The following IGFBP7 variants were observed in gnomAD, a reference collection of about 807,000 sequenced individuals.
IGFBP7 encodes insulin like growth factor binding protein 7.
In IGFBP7, 31 loss-of-function variants were observed where a neutral mutation model predicts 29.4. The observed-to-expected ratio is 1.05, with a 90% CI of 0.79 to 1.42. IGFBP7 has a LOEUF of 1.42. Among genes scored for constraint, IGFBP7 ranks in the 40% most tolerant of loss-of-function variants. The pLI is 0.00. For missense variants in IGFBP7, 393 were observed against 395.5 expected (o/e 0.99, Z 0.05); for synonymous variants, 172 against 174.9 (o/e 0.98, Z 0.13).
intron 1 of IGFBP7, among the ~76,000 whole-genome samples, chr4:57,085,798 A>G (rs1725484246): frequency 6.6e-6 from 1 of 152,112 alleles, no homozygotes; most frequent in African/African-American, 2.4e-5. Context: ...TCAGAACTCC[A>G]TTTTGTGTTG....
At position 57,093,452 on chromosome 4, in the gene IGFBP7, A is replaced by T. The variant is rs1479460110; in HGVS notation, c.475+16425T>A. ...GAGGTAGAGGTTGCAGTGAGCGGAG[A>T]TCACACCTCTGCACTCCAGCCTGGG... On this transcript the variant is annotated intron_variant, in intron 1 of 4. Coordinates refer to ENST00000295666, the MANE Select transcript of IGFBP7 (RefSeq NM_001553.3). Among the ~76,000 whole-genome samples the T allele has an allele frequency of 1.3e-5, 2 of 151,768 alleles. 1 individual carries two copies. Among genetic ancestry groups the T allele is most frequent in the South Asian group, 4.2e-4 (2 of 4,800 alleles).
intron 1 of IGFBP7, chr4:57,109,640 C>T (rs1394770201): frequency 8.8e-6 from 5 of 571,346 alleles, no homozygotes; most frequent in Non-Finnish European, 1.2e-5. Context: ...CCCTCACTTT[C>T]TGGACGCACG....
Position 57,031,111 on chromosome 4 carries a change from A to G in IGFBP7, c.*206T>C. 2 of 728,962 alleles carry G rather than the reference A, an allele frequency of 2.7e-6. No homozygotes were observed. Among genetic ancestry groups the G allele is most frequent in the East Asian group, 2.6e-5 (1 of 38,462 alleles). The allele number at this position is 728,962 out of a possible 1,614,324, so 45.2% of individuals were successfully genotyped here. A position where few individuals can be genotyped will look rare whatever the true frequency, so the allele number is the denominator to read the frequency against. ...AAAAGTATTTTATTTGTTTAATGAT[A>G]TGCATGCTTTTCTTCTGTAAATATA... is the stretch of plus-strand genomic sequence containing the variant. On this transcript the variant is annotated 3_prime_UTR_variant, in exon 5 of 5. Transcript: ENST00000295666.
intron 2 of IGFBP7, among the ~76,000 whole-genome samples, chr4:57,037,895 T>C (rs771956257): frequency 1.3e-5 from 2 of 152,138 alleles, no homozygotes; most frequent in African/African-American, 2.4e-5. Flanking sequence ...ATCTCCAAAT[T>C]AGCAGTGAGG....
At chr4:57,088,557 G>A (rs1725554129) in intron 1 of IGFBP7, among the ~76,000 whole-genome samples, 1 of 152,098 alleles carries the variant, frequency 6.6e-6, no homozygotes, top group South Asian at 2.1e-4. Context: ...TATGACATTT[G>A]AGGGCTGTTT....
At chr4:57,096,599 T>A (rs1578650065) in intron 1 of IGFBP7, among the ~76,000 whole-genome samples, 1 of 152,146 alleles carries the variant, frequency 6.6e-6, no homozygotes, top group Non-Finnish European at 1.5e-5. Flanking sequence ...TAGAAGGTGA[T>A]AGAGTGCATA....
chr4:57,050,916 T>A (rs1161291415), intron 1 of IGFBP7, among the ~76,000 whole-genome samples: 2 of 152,122 alleles, frequency 1.3e-5, no homozygotes, highest in Non-Finnish European at 2.9e-5. Flanking sequence ...TTCTCCGAGT[T>A]ATGATAGATT....
chr4:57,064,276 C>G (rs11573076), intron 1 of IGFBP7, among the ~76,000 whole-genome samples: 4,089 of 152,300 alleles, frequency 0.027, 177 homozygotes, highest in African/African-American at 0.094. Context: ...ATCCCTTCAG[C>G]CTAGTGATCT....
intron 1 of IGFBP7, among the ~76,000 whole-genome samples, chr4:57,088,196 G>C (rs1426388370): frequency 3.9e-5 from 6 of 151,932 alleles, no homozygotes; most frequent in Non-Finnish European, 8.8e-5. Flanking sequence ...GACTGGTCTT[G>C]AACTCCTAGT....
intron 1 of IGFBP7, among the ~76,000 whole-genome samples, chr4:57,080,575 T>C (rs1282889839): frequency 6.6e-6 from 1 of 152,170 alleles, no homozygotes; most frequent in East Asian, 1.9e-4. Context: ...TCACCCAGGG[T>C]GGAGTGCAGT....
chr4:57,050,297 T>C (rs1401867275), intron 1 of IGFBP7, among the ~76,000 whole-genome samples: 4 of 149,176 alleles, frequency 2.7e-5, no homozygotes, highest in Non-Finnish European at 5.9e-5. Flanking sequence ...CAGGCAGGAG[T>C]GAAGTTGTGC....
At chr4:57,036,877 C>T (rs1438593049) in intron 2 of IGFBP7, among the ~76,000 whole-genome samples, 2 of 152,176 alleles carry the variant, frequency 1.3e-5, no homozygotes, top group East Asian at 3.8e-4. Context: ...GTGTTCTACT[C>T]TTAAATTGGA....
intron 1 of IGFBP7, among the ~76,000 whole-genome samples, chr4:57,091,981 A>C (rs1725652404): frequency 6.6e-6 from 1 of 152,244 alleles, no homozygotes; most frequent in African/African-American, 2.4e-5. Context: ...TCATGGTCTC[A>C]GTATTATGCA....
intron 1 of IGFBP7, among the ~76,000 whole-genome samples, chr4:57,085,177 G>A (rs1222012239): frequency 6.6e-6 from 1 of 151,570 alleles, no homozygotes; most frequent in Admixed American, 6.6e-5. Context: ...ATATTCTCAG[G>A]TATACTGTCT....
In IGFBP7 at chr4:57,038,671, T is replaced by A. The variant is rs11573120; in HGVS notation, c.585+2153A>T. Among the ~76,000 whole-genome samples, 21 of 152,336 alleles carry A rather than the reference T, an allele frequency of 1.4e-4. 1 individual carries two copies. In the East Asian group the frequency reaches 2.5e-3, roughly 18 times the overall value. On this transcript the variant is annotated intron_variant, in intron 2 of 4. Coordinates refer to ENST00000295666, the MANE Select transcript of IGFBP7 (RefSeq NM_001553.3). ...AAATGGATGTCTGGTTATGCCCTTTTACTTAAACTAAGTTCCTTTTTTGGT... is the reference window on the plus strand; with the variant it reads ...AAATGGATGTCTGGTTATGCCCTTTAACTTAAACTAAGTTCCTTTTTTGGT...
intron 1 of IGFBP7, among the ~76,000 whole-genome samples, chr4:57,105,354 C>T (rs1330713281): frequency 6.6e-6 from 1 of 152,190 alleles, no homozygotes; most frequent in African/African-American, 2.4e-5. Flanking sequence ...CTAGCCAATT[C>T]ATAGGTTGAT....
At chr4:57,051,352 T>G (rs1724498697) in intron 1 of IGFBP7, among the ~76,000 whole-genome samples, 1 of 152,236 alleles carries the variant, frequency 6.6e-6, no homozygotes, top group Admixed American at 6.5e-5. Context: ...TCAGGGGTAC[T>G]GGCTGAGGAC....
chr4:57,059,001 A>G (rs1247564907), intron 1 of IGFBP7, among the ~76,000 whole-genome samples: 4 of 152,196 alleles, frequency 2.6e-5, no homozygotes, highest in African/African-American at 9.7e-5. Flanking sequence ...AAAAAGCTCA[A>G]CATCACTGAT....
At chr4:57,077,767 C>T (rs1725262454) in intron 1 of IGFBP7, among the ~76,000 whole-genome samples, 1 of 152,150 alleles carries the variant, frequency 6.6e-6, no homozygotes, top group Non-Finnish European at 1.5e-5. Context: ...AGAATCTCTG[C>T]ATTCACACAG....
Sources: allele counts gnomAD v4.1 joint callset (sites outside exome capture counted in the v4.1 genomes callset), GRCh38; gene constraint gnomAD v4.1.1; transcripts MANE v1.5; gene names NCBI Gene and HGNC (gene_info 2026-07-23, HGNC 2026-07-21).